Variants in NEGR1 observed in about 807,000 individuals in gnomAD.
The protein encoded by NEGR1 is neuronal growth regulator 1.
A neutral mutation model predicts 40.9 loss-of-function variants in NEGR1; 10 were observed. The ratio of observed to expected loss-of-function variants is 0.24; its 90% CI spans 0.15 to 0.42. NEGR1 has a LOEUF of 0.42. Among genes scored for constraint, NEGR1 ranks in the 10% least tolerant of loss-of-function variants. NEGR1 has a pLI of 1.00. For synonymous variants in NEGR1, 185 were observed against 166.8 expected (o/e 1.11, Z -0.84); for missense variants, 352 against 438.9 (o/e 0.80, Z 1.77).
intron 1 of NEGR1, among the ~76,000 whole-genome samples, chr1:71,948,758 T>A (rs1201615981): frequency 6.6e-6 from 1 of 152,064 alleles, no homozygotes; most frequent in Non-Finnish European, 1.5e-5. Flanking sequence ...TCTCACTGCC[T>A]TGCTGGCTCA....
At chr1:71,852,928 T>C (rs536735083) in intron 2 of NEGR1, among the ~76,000 whole-genome samples, 1 of 151,940 alleles carries the variant, frequency 6.6e-6, no homozygotes, top group Non-Finnish European at 1.5e-5. Context: ...ACGCTTGTAA[T>C]AGAAATAGGA....
chr1:71,931,188 G>T (rs1259988639), intron 2 of NEGR1, among the ~76,000 whole-genome samples: 1 of 152,164 alleles, frequency 6.6e-6, no homozygotes, highest in Non-Finnish European at 1.5e-5. Flanking sequence ...AAGTTATTTT[G>T]ATTATAGAGT....
At chr1:72,266,764 C>CACAT (rs397712071) in intron 1 of NEGR1, among the ~76,000 whole-genome samples, 1 of 145,026 alleles carries the variant, frequency 6.9e-6, no homozygotes, top group African/African-American at 2.6e-5. Flanking sequence ...CACACACACA[C>CACAT]CAATTTGGAA....
At chr1:72,113,876 C>T (rs1366797427) in intron 1 of NEGR1, among the ~76,000 whole-genome samples, 1 of 151,732 alleles carries the variant, frequency 6.6e-6, no homozygotes. Context: ...GTGACAGCAT[C>T]ACACAGACTG....
chr1:72,140,636 T>C (rs917847008), intron 1 of NEGR1, among the ~76,000 whole-genome samples: 7 of 152,028 alleles, frequency 4.6e-5, no homozygotes, highest in Admixed American at 2.0e-4. Context: ...TGCAAAGTAG[T>C]ATGAGCAATA....
chr1:72,072,722 C>G (rs142636090), intron 1 of NEGR1, among the ~76,000 whole-genome samples: 1 of 146,706 alleles, frequency 6.8e-6, no homozygotes, highest in Admixed American at 7.0e-5. Flanking sequence ...AGGCATCGAT[C>G]TGAGCTTGAT....
intron 1 of NEGR1, among the ~76,000 whole-genome samples, chr1:71,940,659 G>A (rs975606201): frequency 1.8e-4 from 28 of 152,076 alleles, no homozygotes; most frequent in African/African-American, 6.8e-4. Flanking sequence ...CTCTGTTTTG[G>A]GGGTATGAAG....
intron 1 of NEGR1, among the ~76,000 whole-genome samples, chr1:72,007,612 A>C (rs1019967426): frequency 4.6e-5 from 7 of 152,206 alleles, no homozygotes; most frequent in Non-Finnish European, 8.8e-5. Flanking sequence ...GAGTACGAAG[A>C]AAAGAGAAAG....
rs1650541274 is a variant in NEGR1, at chr1:71,619,306, TTC to T, written c.668-8162_668-8161del. 2.6e-5 allele frequency among the ~76,000 whole-genome samples: 4 copies of T among 152,198 alleles called. No homozygotes were observed. The South Asian group carries it at 8.3e-4, about 32-fold the overall frequency. ...CTGAGTGATTGCTTCCAGAGCCTAT[TTC>T]TCTTACTACTACACTCCCTCCATTG... On this transcript the variant is annotated intron_variant, in intron 4 of 6. Coordinates refer to ENST00000357731, the MANE Select transcript of NEGR1 (RefSeq NM_173808.3).
intron 1 of NEGR1, among the ~76,000 whole-genome samples, chr1:72,068,012 A>G (rs1401563180): frequency 1.3e-5 from 2 of 152,196 alleles, no homozygotes; most frequent in Non-Finnish European, 2.9e-5. Flanking sequence ...AATAAGCTCT[A>G]AAAGGGAGGA....
chr1:71,618,879 G>A (rs1243156604), intron 4 of NEGR1, among the ~76,000 whole-genome samples: 1 of 152,080 alleles, frequency 6.6e-6, no homozygotes, highest in Non-Finnish European at 1.5e-5. Flanking sequence ...TTGTGGGTCT[G>A]ATATTTCTTG....
chr1:71,996,711 G>T (rs1371852506), intron 1 of NEGR1, among the ~76,000 whole-genome samples: 1 of 152,042 alleles, frequency 6.6e-6, no homozygotes, highest in African/African-American at 2.4e-5. Context: ...TGCCTTCAAA[G>T]TTTCAGGCAT....
intron 2 of NEGR1, among the ~76,000 whole-genome samples, chr1:71,787,185 C>A (rs1486335658): frequency 6.6e-6 from 1 of 152,180 alleles, no homozygotes; most frequent in African/African-American, 2.4e-5. Context: ...CACGTTTGGG[C>A]ACAGTTTTTA....
At chr1:71,469,092 G>A (rs1276671442) in intron 6 of NEGR1, among the ~76,000 whole-genome samples, 1 of 151,998 alleles carries the variant, frequency 6.6e-6, no homozygotes, top group Admixed American at 6.6e-5. Flanking sequence ...TTTCTGAAAA[G>A]CTTGTTCCTC....
chr1:72,114,852 T>C (rs1385776914), intron 1 of NEGR1, among the ~76,000 whole-genome samples: 1 of 151,820 alleles, frequency 6.6e-6, no homozygotes, highest in East Asian at 1.9e-4. Context: ...ATAGGAGTTA[T>C]GCTTTATTTT....
At chr1:72,196,957 C>T (rs997413805) in intron 1 of NEGR1, among the ~76,000 whole-genome samples, 3 of 151,816 alleles carry the variant, frequency 2.0e-5, no homozygotes, top group Non-Finnish European at 4.4e-5. Context: ...AGATTTAGGA[C>T]AACTTATCAT....
At chr1:71,710,582 T>C (rs796538571) in intron 3 of NEGR1, among the ~76,000 whole-genome samples, 5 of 152,280 alleles carry the variant, frequency 3.3e-5, no homozygotes, top group African/African-American at 1.2e-4. Flanking sequence ...ACAACATGGA[T>C]GGAACTGGAG....
At chr1:71,552,486 A>T (rs1202680221) in intron 6 of NEGR1, among the ~76,000 whole-genome samples, 1 of 148,486 alleles carries the variant, frequency 6.7e-6, no homozygotes, top group Admixed American at 6.8e-5. Context: ...AGACTATAAT[A>T]CATTAGAAGA....
intron 3 of NEGR1, among the ~76,000 whole-genome samples, chr1:71,732,677 T>C (rs1281803273): frequency 4.6e-5 from 7 of 152,146 alleles, no homozygotes; most frequent in Non-Finnish European, 1.0e-4. Context: ...CAAAGATTTG[T>C]CCATTTTATA....
Sources: allele counts gnomAD v4.1 joint callset (sites outside exome capture counted in the v4.1 genomes callset), GRCh38; gene constraint gnomAD v4.1.1; transcripts MANE v1.5; gene names NCBI Gene and HGNC (gene_info 2026-07-23, HGNC 2026-07-21).